The following HIVEP3 variants were observed in gnomAD, a reference collection of about 807,000 sequenced individuals.
HIVEP3 encodes HIVEP zinc finger 3, also known as transcription factor HIVEP3.
Under a neutral mutation model 152.8 loss-of-function variants are expected in HIVEP3, and 49 were observed. The observed-to-expected ratio is 0.32, with a 90% confidence interval of 0.26 to 0.41. The LOEUF (loss-of-function observed/expected upper bound fraction) is 0.41, where lower values mean the gene tolerates loss of function less well. Ranked by LOEUF, HIVEP3 falls within the 10% of genes least tolerant of loss-of-function variation. HIVEP3 has a pLI of 1.00. For missense variants in HIVEP3, 2,790 were observed against 3,103.3 expected, an observed-to-expected ratio of 0.90 and a Z score of 2.40; for synonymous variants, 1,269 against 1,289.0, an observed-to-expected ratio of 0.98 and a Z score of 0.33.
intron 1 of HIVEP3, among the ~76,000 whole-genome samples, chr1:41,733,886 C>T (rs1261093299): frequency 6.6e-6 from 1 of 152,152 alleles, no homozygotes; most frequent in Non-Finnish European, 1.5e-5. Context: ...CTCTCAAGGC[C>T]TCAGCTCCTC....
chr1:41,882,597 A>C (rs1372079952), intron 1 of HIVEP3, among the ~76,000 whole-genome samples: 1 of 152,102 alleles, frequency 6.6e-6, no homozygotes, highest in Non-Finnish European at 1.5e-5. Context: ...CTTTTTACTT[A>C]CTTCCAAGGC....
At chr1:42,002,089 T>C (rs2124524206) in intron 1 of HIVEP3, among the ~76,000 whole-genome samples, 1 of 152,330 alleles carries the variant, frequency 6.6e-6, no homozygotes, top group South Asian at 2.1e-4. Flanking sequence ...GGTAGGTCTT[T>C]ATTTTTAAAA....
intron 3 of HIVEP3, among the ~76,000 whole-genome samples, chr1:41,608,324 C>A (rs1644850343): frequency 6.6e-6 from 1 of 152,220 alleles, no homozygotes; most frequent in Admixed American, 6.5e-5. Flanking sequence ...TGCTATACTT[C>A]ACCCTGAGAC....
intron 1 of HIVEP3, among the ~76,000 whole-genome samples, chr1:41,794,195 G>A (rs919445027): frequency 6.6e-6 from 1 of 152,152 alleles, no homozygotes; most frequent in African/African-American, 2.4e-5. Context: ...GCAATGGGAC[G>A]GCTTACATGG....
chr1:41,977,025 C>T (rs1054564052), intron 1 of HIVEP3, among the ~76,000 whole-genome samples: 4 of 152,182 alleles, frequency 2.6e-5, no homozygotes, highest in African/African-American at 9.7e-5. Context: ...AACAGCAGTA[C>T]TCAACATATC....
chr1:41,975,810 G>A (rs969133070), intron 1 of HIVEP3, among the ~76,000 whole-genome samples: 7 of 152,334 alleles, frequency 4.6e-5, no homozygotes, highest in Middle Eastern at 3.4e-3. Flanking sequence ...TTGCCAGGGA[G>A]CACATAAAGA....
chr1:41,590,860 C>G (rs1307470290), intron 3 of HIVEP3, among the ~76,000 whole-genome samples: 1 of 152,150 alleles, frequency 6.6e-6, no homozygotes, highest in African/African-American at 2.4e-5. Context: ...CACAGCGACT[C>G]CCAAGGTAGC....
At chr1:41,739,621 C>T (rs1646968329) in intron 1 of HIVEP3, among the ~76,000 whole-genome samples, 1 of 152,210 alleles carries the variant, frequency 6.6e-6, no homozygotes, top group Non-Finnish European at 1.5e-5. Flanking sequence ...TTGGCTTCCT[C>T]AGGCGCTCCT....
At chr1:41,570,639 C>T (rs1644238559) in intron 5 of HIVEP3, among the ~76,000 whole-genome samples, 2 of 152,198 alleles carry the variant, frequency 1.3e-5, no homozygotes, top group African/African-American at 4.8e-5. Flanking sequence ...CAGACTAATA[C>T]AGGCAGTGTC....
chr1:41,912,401 C>T (rs1644810826), intron 1 of HIVEP3, among the ~76,000 whole-genome samples: 1 of 152,172 alleles, frequency 6.6e-6, no homozygotes, highest in African/African-American at 2.4e-5. Flanking sequence ...TAATAAGAAA[C>T]TCTCATATCA....
At chr1:41,732,539 G>C (rs1448988261) in intron 1 of HIVEP3, among the ~76,000 whole-genome samples, 1 of 152,090 alleles carries the variant, frequency 6.6e-6, no homozygotes, top group Admixed American at 6.5e-5. Flanking sequence ...GAAAGGCAGG[G>C]GAAAGTAGCC....
At chr1:41,829,588 A>T (rs1009551027) in intron 1 of HIVEP3, among the ~76,000 whole-genome samples, 2 of 151,840 alleles carry the variant, frequency 1.3e-5, no homozygotes, top group Non-Finnish European at 2.9e-5. Flanking sequence ...ATACAATTAT[A>T]AATAAATAAA....
rs1644430173 is a variant in HIVEP3, at chr1:41,510,254, G to A, written c.*197C>T. On this transcript the variant is annotated 3_prime_UTR_variant, in exon 9 of 9. Transcript: ENST00000372583. ...TAAATGTATGTATGTGATTTGTTTT[G>A]TTTCTTTTTAAGCAACAAAAGGTGT... 1 of 410,988 alleles carries A rather than the reference G, an allele frequency of 2.4e-6. No homozygotes were observed. Among genetic ancestry groups the A allele is most frequent in the South Asian group, 1.2e-4 (1 of 8,456 alleles). The allele number at this position is 410,988 out of a possible 1,614,324, so 25.5% of individuals were successfully genotyped here.
chr1:41,762,580 TC>T (rs1172112127), intron 1 of HIVEP3, among the ~76,000 whole-genome samples: 2 of 152,046 alleles, frequency 1.3e-5, no homozygotes, highest in Non-Finnish European at 2.9e-5. Context: ...GAGGCCAGAG[TC>T]CACCACAGCA....
chr1:41,934,694 T>C (rs1452728230), intron 1 of HIVEP3, among the ~76,000 whole-genome samples: 1 of 152,150 alleles, frequency 6.6e-6, no homozygotes, highest in Non-Finnish European at 1.5e-5. Context: ...CTATCTGTTG[T>C]TTTTGAGAAA....
chr1:41,836,835 C>G (rs1363601143), intron 1 of HIVEP3, among the ~76,000 whole-genome samples: 1 of 152,178 alleles, frequency 6.6e-6, no homozygotes, highest in Non-Finnish European at 1.5e-5. Context: ...TATAACCCAA[C>G]AACTCTCTCC....
rs752881467 is a variant in HIVEP3 at position 41,512,893 on chromosome 1, G to A, written c.6328C>T (p.Pro2110Ser). ...GEHGPGLGLD[P>S]RVLFPPAPLP... The stretch of plus-strand genomic sequence containing the variant: ...GGCGCGGGCGGGAAGAGAACCCGTG[G>A]GTCCAGCCCCAAGCCTGGGCCATGC... The change falls in exon 8 of 9, where the codon CCA becomes TCA. Residue 2110 changes from proline (P) to serine (S), a missense_variant. Pro to Ser is a moderately conservative substitution (Grantham distance 74, BLOSUM62 -1). This residue lies in a region of HIVEP3 where 816 missense variants were observed against 806.5 expected (regional missense o/e 1.01). Coordinates refer to ENST00000372583, the MANE Select transcript of HIVEP3 (RefSeq NM_024503.5). 1 of 1,572,614 alleles carries A rather than the reference G, an allele frequency of 6.4e-7. No homozygotes were observed. Among genetic ancestry groups the A allele is most frequent in the South Asian group, 1.2e-5 (1 of 86,904 alleles).
intron 2 of HIVEP3, among the ~76,000 whole-genome samples, chr1:41,677,782 G>C (rs1025856298): frequency 1.3e-5 from 2 of 152,174 alleles, no homozygotes; most frequent in South Asian, 4.1e-4. Flanking sequence ...CCCGCACATC[G>C]GGCGGTCAGG....
chr1:41,983,516 T>C (rs191352212), intron 1 of HIVEP3, among the ~76,000 whole-genome samples: 5 of 152,236 alleles, frequency 3.3e-5, no homozygotes, highest in African/African-American at 1.2e-4. Context: ...AGAAAAGGTA[T>C]GGAGGAACAA....
Sources: allele counts gnomAD v4.1 joint callset (sites outside exome capture counted in the v4.1 genomes callset), GRCh38; gene constraint gnomAD v4.1.1; regional missense constraint gnomAD v4.1.1; transcripts MANE v1.5; gene names NCBI Gene and HGNC (gene_info 2026-07-23, HGNC 2026-07-21).